MYO9B: variants seen among roughly 807,000 people sequenced by gnomAD.
The protein encoded by MYO9B is unconventional myosin-IXb.
In MYO9B, 71 loss-of-function variants were observed where a neutral mutation model predicts 229.5. The ratio of observed to expected loss-of-function variants is 0.31; its 90% CI spans 0.26 to 0.38. MYO9B has a LOEUF of 0.38. Among genes scored for constraint, MYO9B ranks in the 10% least tolerant of loss-of-function variants. The probability of loss-of-function intolerance (pLI) is 1.00; values close to 1 mark genes in which losing one functional copy is unlikely to be tolerated. For missense variants in MYO9B, 2,255 were observed against 2,920.5 expected (o/e 0.77, Z 5.25); for synonymous variants, 1,185 against 1,235.8 (o/e 0.96, Z 0.86).
rs370689561 is a variant in MYO9B, at chr19:17,167,969, G to A, written c.1698G>A (p.Thr566=). 38 of 1,590,352 alleles carry A rather than the reference G, an allele frequency of 2.4e-5. No homozygotes were observed. In the African/African-American group the frequency reaches 3.2e-4, roughly 14 times the overall value. ...AGGAATATCAGGGCGAGGGGATCAC[G>A]TGGCACAACATCGGCTACACAGACA... ...EQEEYQGEGI[T]WHNIGYTDNV... Residue 566 remains threonine, a synonymous_variant, in exon 11 of 40, where the codon ACG becomes ACA. Coordinates refer to ENST00000682292, the MANE Select transcript of MYO9B (RefSeq NM_004145.4).
chr19:17,101,660 C>T lies in MYO9B; in HGVS notation c.-58C>T. On this transcript the variant is annotated splice_region_variant and 5_prime_UTR_variant, in exon 2 of 40. Coordinates refer to ENST00000682292, the MANE Select transcript of MYO9B (RefSeq NM_004145.4). This position sits in a 1 kb window ranked among gnomAD's most constrained non-coding sequence, Gnocchi z 4.7. ...TGCCTGGCTCTGACCTCCCTTCTAG[C>T]TCCAGGACACGCGCGCCCCGAGCCT... 1 of 1,485,638 alleles carries T rather than the reference C, an allele frequency of 6.7e-7. No homozygotes were observed. The highest frequency in any genetic ancestry group is 8.9e-7 in the Non-Finnish European group (1 of 1,121,732). The allele number at this position is 1,485,638 out of a possible 1,614,324, so 92.0% of individuals were successfully genotyped here.
chr19:17,188,946 G>A (rs896948688), intron 19 of MYO9B, among the ~76,000 whole-genome samples: 13 of 149,062 alleles, frequency 8.7e-5, no homozygotes, highest in African/African-American at 3.0e-4. Flanking sequence ...TCAGGAGTTC[G>A]TTACCAGCCT....
intron 28 of MYO9B, 102 bp downstream of exon 28, chr19:17,202,405 C>A: frequency 8.4e-7 from 1 of 1,196,032 alleles, no homozygotes; most frequent in Non-Finnish European, 1.2e-6. Flanking sequence ...GCTTATGCCA[C>A]ACCCACCCAT....
At chr19:17,084,025 G>A (rs570797210) in intron 1 of MYO9B, among the ~76,000 whole-genome samples, 1 of 102,072 alleles carries the variant, frequency 9.8e-6, no homozygotes, top group South Asian at 2.8e-4. Flanking sequence ...GATTCTCCTG[G>A]TTAATAACCC....
chr19:17,133,750 G>T (rs1174453772), intron 2 of MYO9B, among the ~76,000 whole-genome samples: 2 of 147,602 alleles, frequency 1.4e-5, no homozygotes, highest in African/African-American at 5.1e-5. Flanking sequence ...CACAGCACCA[G>T]CCCTACTTTC....
At chr19:17,139,526 C>G (rs531889510) in intron 2 of MYO9B, among the ~76,000 whole-genome samples, 1 of 152,160 alleles carries the variant, frequency 6.6e-6, no homozygotes, top group African/African-American at 2.4e-5. Context: ...ATGCAGATTG[C>G]TTGAGCCCAG....
chr19:17,132,271 C>T (rs1470556316), intron 2 of MYO9B, among the ~76,000 whole-genome samples: 7 of 145,474 alleles, frequency 4.8e-5, no homozygotes, highest in African/African-American at 1.8e-4. Flanking sequence ...CTGCAACCTC[C>T]ACCTCCTGGG....
At chr19:17,120,988 G>A (rs2057958116) in intron 2 of MYO9B, among the ~76,000 whole-genome samples, 1 of 152,180 alleles carries the variant, frequency 6.6e-6, no homozygotes, top group African/African-American at 2.4e-5. Context: ...TATCGCCCAG[G>A]CTGGAGTGCA....
chr19:17,082,683 C>T (rs2057544119), intron 1 of MYO9B, among the ~76,000 whole-genome samples: 1 of 152,170 alleles, frequency 6.6e-6, no homozygotes, highest in Admixed American at 6.5e-5. Flanking sequence ...CTTGTCTTGT[C>T]ACGTGGAGAT....
rs1396135969 is a variant in MYO9B at position 17,212,025 on chromosome 19, C to T, written c.6189C>T (p.Pro2063=). 6.2e-7 allele frequency: 1 copy of T among 1,609,546 alleles called. No individual in the cohort carries two copies. The highest frequency in any genetic ancestry group is 1.3e-5 in the African/African-American group (1 of 74,730). ...GAGTGAAGACCCCCCGGCGGACCCC[C>T]ATCATGCCCACGGCCAACATCAAGC... The part of the protein sequence containing the change: ...TVRVKTPRRT[P]IMPTANIKLP... Residue 2063 remains proline (P), a synonymous_variant, in exon 40 of 40, where the codon CCC becomes CCT. Transcript: ENST00000682292. The surrounding 1 kb of genome is among the most constrained non-coding windows in gnomAD (Gnocchi z 5.4).
chr19:17,194,427 C>T, intron 21 of MYO9B, 129 bp from the exon 22 acceptor site: 2 of 1,013,016 alleles, frequency 2.0e-6, no homozygotes, highest in Admixed American at 5.3e-5. Flanking sequence ...CCAGAAGCAT[C>T]TCTCAGGGCC....
At chr19:17,141,495 A>C (rs2072339102) in intron 2 of MYO9B, among the ~76,000 whole-genome samples, 1 of 152,188 alleles carries the variant, frequency 6.6e-6, no homozygotes, top group Admixed American at 6.5e-5. Context: ...ACCAGGCCCC[A>C]GGACCAGCTC....
intron 2 of MYO9B, among the ~76,000 whole-genome samples, chr19:17,131,197 A>T (rs577064731): frequency 2.2e-4 from 33 of 152,318 alleles, no homozygotes; most frequent in Admixed American, 3.9e-4. Flanking sequence ...GAGCCCAATC[A>T]TTCTCCCCCA....
intron 2 of MYO9B, among the ~76,000 whole-genome samples, chr19:17,134,381 G>GTTTTTTTTTTTT (rs869297825): frequency 2.2e-4 from 10 of 46,480 alleles, no homozygotes; most frequent in African/African-American, 4.5e-4. Context: ...CGTTTTGTTT[G>GTTTTTTTTTTTT]TTTTTTTTTT....
At chr19:17,113,281 C>T (rs1744936832) in intron 2 of MYO9B, among the ~76,000 whole-genome samples, 1 of 152,116 alleles carries the variant, frequency 6.6e-6, no homozygotes, top group Admixed American at 6.6e-5. Flanking sequence ...TCCGGGGCAG[C>T]AGCCTGGTGC....
intron 1 of MYO9B, among the ~76,000 whole-genome samples, chr19:17,077,456 A>G (rs1254642838): frequency 6.6e-6 from 1 of 152,156 alleles, no homozygotes; most frequent in African/African-American, 2.4e-5. Flanking sequence ...GCCTCCTGCA[A>G]ACATTGAACT....
chr19:17,168,825 G>A (rs1200622906), intron 11 of MYO9B, among the ~76,000 whole-genome samples: 3 of 152,088 alleles, frequency 2.0e-5, no homozygotes. Context: ...GCAGTGCAGT[G>A]TGTGGAATTG....
chr19:17,116,474 C>G (rs146965641), intron 2 of MYO9B, among the ~76,000 whole-genome samples: 1,893 of 152,268 alleles, frequency 0.012, 17 homozygotes, highest in Non-Finnish European at 0.016. Flanking sequence ...AGGGCCACCT[C>G]TTTTAAGGGA....
At chr19:17,175,318 C>T (rs1214295378) in intron 13 of MYO9B, among the ~76,000 whole-genome samples, 1 of 149,310 alleles carries the variant, frequency 6.7e-6, no homozygotes, top group Non-Finnish European at 1.5e-5. Flanking sequence ...GTTGCAGAGA[C>T]TCATGCCTAT....
Sources: gnomAD v4.1 joint callset for allele counts (sites outside exome capture counted in the v4.1 genomes callset) on GRCh38, gnomAD v4.1.1 for gene constraint, Gnocchi (gnomAD v3.1) non-coding constraint, MANE v1.5 for transcripts, NCBI Gene and HGNC (gene_info 2026-07-23, HGNC 2026-07-21) for gene names.